The following CREBBP variants were observed in gnomAD, a reference collection of about 807,000 sequenced individuals.
CREBBP encodes the protein CREB-binding protein.
CREBBP carries 19 observed loss-of-function variants against 265.0 expected under a neutral mutation model. That is an observed-to-expected ratio of 0.07 (90% CI 0.05 to 0.11). The LOEUF (loss-of-function observed/expected upper bound fraction) is 0.11. Ranked by LOEUF, CREBBP falls within the 10% of genes least tolerant of loss-of-function variation. The pLI is 1.00. For missense variants in CREBBP, 2,525 were observed against 3,219.0 expected (o/e 0.78, Z 5.22); for synonymous variants, 1,457 against 1,223.7 (o/e 1.19, Z -3.98).
At chr16:3,765,121 C>G (rs1213128137) in intron 16 of CREBBP, among the ~76,000 whole-genome samples, 1 of 152,032 alleles carries the variant, frequency 6.6e-6, no homozygotes, top group Non-Finnish European at 1.5e-5. Context: ...CTACAGGCGC[C>G]CGCCACCACG....
intron 2 of CREBBP, among the ~76,000 whole-genome samples, chr16:3,824,268 T>G (rs1405741378): frequency 6.6e-6 from 1 of 152,254 alleles, no homozygotes; most frequent in Non-Finnish European, 1.5e-5. Flanking sequence ...AGGCTACGCC[T>G]CTGCAACCTC....
intron 19 of CREBBP, among the ~76,000 whole-genome samples, chr16:3,756,700 A>T (rs2052594215): frequency 1.3e-5 from 2 of 152,270 alleles, no homozygotes; most frequent in South Asian, 4.1e-4. Context: ...TATAGGAAGC[A>T]GCACTCATGC....
Position 3,727,331 on chromosome 16 carries a change from T to G in CREBBP, c.*387A>C. The stretch of plus-strand genomic sequence containing the variant: ...TTATTTTTCTTCTTACTTTTAAACA[T>G]AAATGTTTAAAGTCTTGAAAATACA... On this transcript the variant is annotated 3_prime_UTR_variant, in exon 31 of 31. Coordinates refer to ENST00000262367, the MANE Select transcript of CREBBP (RefSeq NM_004380.3). 1 of 268,076 alleles carries G rather than the reference T, an allele frequency of 3.7e-6. No homozygotes were observed. The highest frequency in any genetic ancestry group is 7.2e-6 in the Non-Finnish European group (1 of 139,744). The allele number at this position is 268,076 out of a possible 1,614,324, so 16.6% of individuals were successfully genotyped here. A position where few individuals can be genotyped will look rare whatever the true frequency, so the allele number is the denominator to read the frequency against.
At chr16:3,796,078 T>A (rs1172465361) in intron 3 of CREBBP, among the ~76,000 whole-genome samples, 3 of 152,184 alleles carry the variant, frequency 2.0e-5, no homozygotes, top group African/African-American at 7.2e-5. Context: ...CACTACCTTG[T>A]TGAAGAGACC....
At chr16:3,849,377 C>CCGTGTGTGTGTG (rs1374004146) in intron 2 of CREBBP, among the ~76,000 whole-genome samples, 1 of 104,098 alleles carries the variant, frequency 9.6e-6, no homozygotes, top group African/African-American at 4.4e-5. Context: ...GAGCTCTTGG[C>CCGTGTGTGTGTG]CGTGTGTGTG....
At position 3,773,715 on chromosome 16, in the gene CREBBP, T is replaced by G. The variant is rs537933112; in HGVS notation, c.2463+36A>C. 127 of 1,607,810 alleles carry G rather than the reference T, an allele frequency of 7.9e-5. 2 individuals carry two copies. In the South Asian group the frequency reaches 1.4e-3, roughly 17 times the overall value. On this transcript the variant is annotated intron_variant, in intron 13 of 30. Transcript: ENST00000262367. ...CCAAAACTTAACACAAGAATTTTAT[T>G]TCCTAGGGAGCCACGGTCCCAGTGG... is the stretch of plus-strand genomic sequence containing the variant.
chr16:3,818,754 G>T (rs939869011), intron 2 of CREBBP, among the ~76,000 whole-genome samples: 2 of 152,166 alleles, frequency 1.3e-5, no homozygotes, highest in African/African-American at 2.4e-5. Flanking sequence ...GTGGGCTTTG[G>T]GGGGTGTCAC....
At chr16:3,803,013 A>G (rs982932588) in intron 3 of CREBBP, among the ~76,000 whole-genome samples, 9 of 152,166 alleles carry the variant, frequency 5.9e-5, no homozygotes, top group African/African-American at 1.4e-4. Flanking sequence ...AAAACAAAGA[A>G]AATGCTCATT....
intron 1 of CREBBP, among the ~76,000 whole-genome samples, chr16:3,856,343 G>C (rs1351018409): frequency 2.0e-5 from 3 of 152,066 alleles, no homozygotes; most frequent in Admixed American, 2.0e-4. Flanking sequence ...TTTTGACAGG[G>C]TCTTGCTCCG....
chr16:3,740,740 C>T (rs899893017), intron 23 of CREBBP, 191 bp from the exon 24 acceptor site: 1 of 715,026 alleles, frequency 1.4e-6, no homozygotes. Flanking sequence ...ACTCTGGGAT[C>T]TCAGGCACTC....
chr16:3,824,724 G>T (rs2054205980), intron 2 of CREBBP, among the ~76,000 whole-genome samples: 1 of 152,176 alleles, frequency 6.6e-6, no homozygotes, highest in Admixed American at 6.5e-5. Flanking sequence ...GGTCAACTTG[G>T]AGACTACAAC....
intron 2 of CREBBP, among the ~76,000 whole-genome samples, chr16:3,837,589 C>T (rs941562525): frequency 1.3e-5 from 2 of 150,858 alleles, no homozygotes; most frequent in Non-Finnish European, 3.0e-5. Flanking sequence ...GCACTCCAGC[C>T]TGGGATACAC....
chr16:3,742,042 C>T (rs1270112957), intron 23 of CREBBP: 2 of 152,024 alleles, frequency 1.3e-5, no homozygotes, highest in Non-Finnish European at 2.9e-5. Flanking sequence ...CATCACGTGA[C>T]TGCACTCCAG....
At chr16:3,847,528 T>C (rs1385948974) in intron 2 of CREBBP, among the ~76,000 whole-genome samples, 1 of 152,178 alleles carries the variant, frequency 6.6e-6, no homozygotes, top group Admixed American at 6.5e-5. Context: ...CCACCTCTAG[T>C]GGGCTGCTTT....
chr16:3,834,304 G>A (rs754465368), intron 2 of CREBBP, among the ~76,000 whole-genome samples: 2 of 152,182 alleles, frequency 1.3e-5, no homozygotes, highest in African/African-American at 4.8e-5. Context: ...ACCTGCACAT[G>A]GATGTATATG....
chr16:3,878,421 T>C (rs936814653), intron 1 of CREBBP, among the ~76,000 whole-genome samples: 3 of 152,212 alleles, frequency 2.0e-5, no homozygotes, highest in Admixed American at 1.3e-4. Context: ...CATTTACTCC[T>C]CCCCACTGTT....
rs2052315577 is a variant in CREBBP at position 3,745,297 on chromosome 16, A to G, written c.3894T>C (p.Tyr1298=). 1.2e-6 allele frequency: 2 copies of G among 1,613,912 alleles called. No homozygotes were observed. Among genetic ancestry groups the G allele is most frequent in the African/African-American group, 2.7e-5 (2 of 74,928 alleles). Residue 1298 remains tyrosine, a synonymous_variant, in exon 22 of 31, where the codon TAT becomes TAC. Coordinates refer to ENST00000262367, the MANE Select transcript of CREBBP (RefSeq NM_004380.3). The part of the protein sequence containing the change: ...RKMHQICVLH[Y]DIIWPSGFVC... ...CTCACCCTGAAGGCCAAATGATGTCATAGTGCAGAACGCAAATCTGATGCA... is the reference window on the plus strand; with the variant it reads ...CTCACCCTGAAGGCCAAATGATGTCGTAGTGCAGAACGCAAATCTGATGCA...
chr16:3,786,116 A>C (rs1208553518), intron 5 of CREBBP, among the ~76,000 whole-genome samples: 1 of 152,230 alleles, frequency 6.6e-6, no homozygotes, highest in African/African-American at 2.4e-5. Flanking sequence ...TAATCCCAGC[A>C]CTTTGGGAGG....
At chr16:3,740,853 G>C (rs1555474014) in intron 23 of CREBBP, 1 of 419,480 alleles carries the variant, frequency 2.4e-6, no homozygotes, top group Non-Finnish European at 4.5e-6. Flanking sequence ...AGGGGCTCTA[G>C]GGCGGAGCAG....
Sources: allele counts gnomAD v4.1 joint callset (sites outside exome capture counted in the v4.1 genomes callset), GRCh38; gene constraint gnomAD v4.1.1; transcripts MANE v1.5; gene names NCBI Gene and HGNC (gene_info 2026-07-23, HGNC 2026-07-21).